The following ANKRD30BL variants were observed in gnomAD, a reference collection of about 807,000 sequenced individuals.
ANKRD30BL encodes putative ankyrin repeat domain-containing protein 30B-like.
ANKRD30BL carries 20 observed loss-of-function variants against 18.4 expected under a neutral mutation model. The observed-to-expected ratio is 1.09, with a 90% confidence interval of 0.77 to 1.58. ANKRD30BL has a LOEUF of 1.58. Among genes scored for constraint, ANKRD30BL ranks in the 40% most tolerant of loss-of-function variants. The probability of loss-of-function intolerance (pLI) is 0.00; values close to 1 mark genes in which losing one functional copy is unlikely to be tolerated. For synonymous variants in ANKRD30BL, 72 were observed against 100.9 expected (o/e 0.71, Z 1.72); for missense variants, 224 against 268.6 (o/e 0.83, Z 1.16).
intron 1 of ANKRD30BL, among the ~76,000 whole-genome samples, chr2:132,176,552 A>G (rs1362952361): frequency 6.6e-6 from 1 of 152,088 alleles, no homozygotes; most frequent in Non-Finnish European, 1.5e-5. Flanking sequence ...TGGAGGTTGC[A>G]GTGAGCCGAG....
chr2:132,251,482 T>C (rs1680647744), intron 1 of ANKRD30BL, among the ~76,000 whole-genome samples: 1 of 152,242 alleles, frequency 6.6e-6, no homozygotes, highest in African/African-American at 2.4e-5. Context: ...CCTCCACCCC[T>C]TCCCCTTGGC....
chr2:132,224,484 A>T (rs1679787425), intron 1 of ANKRD30BL, among the ~76,000 whole-genome samples: 1 of 151,794 alleles, frequency 6.6e-6, no homozygotes, highest in East Asian at 1.9e-4. Context: ...TCACATAAGT[A>T]CTGGACAGAG....
At chr2:132,185,057 G>A (rs1430467318) in intron 1 of ANKRD30BL, among the ~76,000 whole-genome samples, 2 of 151,888 alleles carry the variant, frequency 1.3e-5, no homozygotes, top group Non-Finnish European at 2.9e-5. Flanking sequence ...CGTGATCCAC[G>A]TGCCTCAGCC....
chr2:132,218,940 C>T (rs1405148626), intron 1 of ANKRD30BL, among the ~76,000 whole-genome samples: 8 of 151,456 alleles, frequency 5.3e-5, no homozygotes, highest in South Asian at 2.1e-4. Context: ...ACATTTGGAC[C>T]GCTTTGAGGC....
chr2:132,213,599 G>A (rs532009411), intron 1 of ANKRD30BL, among the ~76,000 whole-genome samples: 42 of 152,350 alleles, frequency 2.8e-4, no homozygotes, highest in African/African-American at 8.7e-4. Flanking sequence ...GACTCTGCAA[G>A]TGAACATTTT....
intron 1 of ANKRD30BL, among the ~76,000 whole-genome samples, chr2:132,192,345 A>G (rs1328675987): frequency 2.0e-5 from 3 of 152,186 alleles, no homozygotes; most frequent in African/African-American, 7.2e-5. Flanking sequence ...GCAGGTGTCA[A>G]TGGTGGTCGC....
chr2:132,240,762 A>C (rs535531918), intron 1 of ANKRD30BL, among the ~76,000 whole-genome samples: 1 of 151,616 alleles, frequency 6.6e-6, no homozygotes, highest in African/African-American at 2.4e-5. Flanking sequence ...CAGATTTGAA[A>C]CCCTCTTTTT....
In ANKRD30BL at chr2:132,196,450, A is replaced by AG. The variant is rs368844600; in HGVS notation, n.442-39305_442-39304insC. 2.4e-3 allele frequency among the ~76,000 whole-genome samples: 314 copies of AG among 133,164 alleles called. 1 individual carries two copies. Among genetic ancestry groups the AG allele is most frequent in the African/African-American group, 8.7e-3 (295 of 33,736 alleles). 87.4% of individuals were successfully genotyped at this position (133,164 alleles called of 152,430 possible). Reference sequence around the variant, plus strand: ...GGGCAACAGAGTAAGACTCTGGGGGAAAAAAAAAGTAGGCAAAAAAGAACA... The same window carrying AG: ...GGGCAACAGAGTAAGACTCTGGGGGAGAAAAAAAAGTAGGCAAAAAAGAACA... On this transcript the variant is annotated intron_variant and non_coding_transcript_variant, in intron 1 of 4. Coordinates refer to the ANKRD30BL transcript ENST00000470729.
chr2:132,183,743 ATGTATATGTG>A (rs1688516141), intron 1 of ANKRD30BL, among the ~76,000 whole-genome samples: 1 of 152,096 alleles, frequency 6.6e-6, no homozygotes, highest in Admixed American at 6.6e-5. Context: ...ATGCATATAT[ATGTATATGTG>A]TGTATATGTG....
chr2:132,239,808 T>C (rs1274108877), intron 1 of ANKRD30BL, among the ~76,000 whole-genome samples: 1 of 151,872 alleles, frequency 6.6e-6, no homozygotes, highest in Non-Finnish European at 1.5e-5. Flanking sequence ...AAAGGAAATA[T>C]CTTCACATAA....
intron 1 of ANKRD30BL, among the ~76,000 whole-genome samples, chr2:132,249,414 G>A (rs151263799): frequency 6.6e-6 from 1 of 151,224 alleles, no homozygotes; most frequent in Non-Finnish European, 1.5e-5. Flanking sequence ...GTGAAATGAA[G>A]TCACACATCA....
chr2:132,209,751 A>T (rs1487427217), intron 1 of ANKRD30BL, among the ~76,000 whole-genome samples: 1 of 152,150 alleles, frequency 6.6e-6, no homozygotes, highest in Non-Finnish European at 1.5e-5. Flanking sequence ...CAACTCACAT[A>T]GTTGAAGATT....
chr2:132,181,757 A>G (rs1348224411), intron 1 of ANKRD30BL, among the ~76,000 whole-genome samples: 1 of 152,210 alleles, frequency 6.6e-6, no homozygotes, highest in Non-Finnish European at 1.5e-5. Context: ...ATAACAAGGG[A>G]AAAATAGTAG....
chr2:132,249,175 G>C (rs1485609189), intron 1 of ANKRD30BL, among the ~76,000 whole-genome samples: 1 of 152,052 alleles, frequency 6.6e-6, no homozygotes, highest in Non-Finnish European at 1.5e-5. Flanking sequence ...ATATCCCTTT[G>C]CATATTCTAC....
At chr2:132,149,925 T>C (rs1484438929) in intron 5 of ANKRD30BL, among the ~76,000 whole-genome samples, 1 of 152,204 alleles carries the variant, frequency 6.6e-6, no homozygotes, top group Non-Finnish European at 1.5e-5. Flanking sequence ...ATACAGTATA[T>C]AGTACATATA....
chr2:132,227,457 T>A (rs1166176695), intron 1 of ANKRD30BL, among the ~76,000 whole-genome samples: 4 of 152,022 alleles, frequency 2.6e-5, no homozygotes, highest in Non-Finnish European at 4.4e-5. Flanking sequence ...GGACATACCT[T>A]ATCATAGAGT....
At chr2:132,206,253 T>A (rs578195656) in intron 1 of ANKRD30BL, among the ~76,000 whole-genome samples, 1 of 152,284 alleles carries the variant, frequency 6.6e-6, no homozygotes, top group Admixed American at 6.5e-5. Flanking sequence ...GAAGTGTAAT[T>A]TATGATTGTG....
chr2:132,150,593 A>T (rs1687732043), intron 5 of ANKRD30BL, among the ~76,000 whole-genome samples: 1 of 151,910 alleles, frequency 6.6e-6, no homozygotes, highest in African/African-American at 2.4e-5. Flanking sequence ...AGTTGAGGAA[A>T]CATAAAATAG....
At position 132,255,173 on chromosome 2, in the gene ANKRD30BL, C is replaced by CT. The variant is rs1680794537; in HGVS notation, n.441+2355dup. 3.3e-5 allele frequency among the ~76,000 whole-genome samples: 5 copies of CT among 152,226 alleles called. No individual in the cohort carries two copies. In the South Asian group the frequency reaches 1.0e-3, roughly 31 times the overall value. On this transcript the variant is annotated intron_variant and non_coding_transcript_variant, in intron 1 of 4. Transcript: ENST00000470729. ...TATCTGATCGTCTTCGAACCTCCGA[C>CT]TTTCGTTCTTGATTAATGAAAACAT...
Sources: allele counts gnomAD v4.1 joint callset (sites outside exome capture counted in the v4.1 genomes callset), GRCh38; gene constraint gnomAD v4.1.1; transcripts MANE v1.5; gene names NCBI Gene and HGNC (gene_info 2026-07-23, HGNC 2026-07-21).